Variants in WNT7A observed in about 807,000 individuals in gnomAD.
WNT7A encodes protein Wnt-7a.
WNT7A carries 16 observed loss-of-function variants against 28.2 expected under a neutral mutation model. The ratio of observed to expected loss-of-function variants is 0.57; its 90% CI spans 0.38 to 0.86. The LOEUF is 0.86. Ranked by LOEUF, WNT7A falls within the 40% of genes least tolerant of loss-of-function variation. The pLI, the probability that WNT7A is intolerant of heterozygous loss-of-function variation, is 0.00. For missense variants in WNT7A, 411 were observed against 489.7 expected, an observed-to-expected ratio of 0.84 and a Z score of 1.52; for synonymous variants, 190 against 195.9, an observed-to-expected ratio of 0.97 and a Z score of 0.25.
chr3:13,859,388 A>T (rs952224971), intron 2 of WNT7A, among the ~76,000 whole-genome samples: 2 of 152,210 alleles, frequency 1.3e-5, no homozygotes, highest in African/African-American at 4.8e-5. Context: ...CTCATCTGTT[A>T]TTAGCACCTA....
Position 13,854,814 on chromosome 3 carries a change from G to A in WNT7A, c.299-11C>T. The stretch of plus-strand genomic sequence containing the variant: ...CAGCCTCCCGGCTCCCTGCGAGGAG[G>A]AGAGAAGAGGAGACAAGTTGGGGTC... On this transcript the variant is annotated splice_polypyrimidine_tract_variant and intron_variant, in intron 2 of 3. Transcript: ENST00000285018. 6.2e-7 allele frequency: 1 copy of A among 1,611,100 alleles called. No individual in the cohort carries two copies. The highest frequency in any genetic ancestry group is 1.1e-5 in the South Asian group (1 of 91,020).
At position 13,854,611 on chromosome 3, in the gene WNT7A, T is replaced by C. The variant is rs202009471; in HGVS notation, c.491A>G (p.Lys164Arg). 4.1e-5 allele frequency: 66 copies of C among 1,614,192 alleles called. No homozygotes were observed. The African/African-American group carries it at 6.1e-4, about 15-fold the overall frequency. ...GATCTCCCGGGCATCCACAAAGACC[T>C]TGGCGAAGCCGATGCCGTAGCGGAT... is the stretch of plus-strand genomic sequence containing the variant. ...ADIRYGIGFA[K>R]VFVDAREIKQ... The change falls in exon 3 of 4, where the codon AAG (lysine) becomes AGG (arginine). Residue 164 changes from lysine to arginine, a missense_variant. Transcript: ENST00000285018.
chr3:13,878,216 G>C (rs1394389832), intron 1 of WNT7A, among the ~76,000 whole-genome samples: 1 of 152,102 alleles, frequency 6.6e-6, no homozygotes. Context: ...CGGGCGGGGC[G>C]GCCAGGGGAG....
chr3:13,825,330 T>C (rs1694176590), intron 3 of WNT7A, among the ~76,000 whole-genome samples: 1 of 152,200 alleles, frequency 6.6e-6, no homozygotes, highest in African/African-American at 2.4e-5. Context: ...TGGCCTGTGC[T>C]GTTAGAGTCC....
At chr3:13,842,808 G>C (rs1279046343) in intron 3 of WNT7A, among the ~76,000 whole-genome samples, 1 of 152,198 alleles carries the variant, frequency 6.6e-6, no homozygotes, top group Non-Finnish European at 1.5e-5. Flanking sequence ...CTGGAGCAGG[G>C]AGGCAGGATG....
chr3:13,868,510 G>GAA (rs1694946707), intron 2 of WNT7A, among the ~76,000 whole-genome samples: 1 of 118,870 alleles, frequency 8.4e-6, no homozygotes, highest in South Asian at 2.6e-4. Flanking sequence ...GAAAGAAAGA[G>GAA]AGAGAGAAAG....
rs1695176653 is a variant in WNT7A, at chr3:13,879,658, G to T, written c.71+88C>A. Reference sequence around the variant, plus strand: ...CTCAGAGAAGCTGTGGAAGTTGGCCGGCAGAGGCTCGCAGGCGGCACACCT... The same window carrying T: ...CTCAGAGAAGCTGTGGAAGTTGGCCTGCAGAGGCTCGCAGGCGGCACACCT... On this transcript the variant is annotated intron_variant, in intron 1 of 3. Transcript: ENST00000285018. 12 of 1,461,426 alleles carry T rather than the reference G, an allele frequency of 8.2e-6. 1 individual carries two copies. The South Asian group carries it at 1.5e-4, about 18-fold the overall frequency. The allele number at this position is 1,461,426 out of a possible 1,614,324, so 90.5% of individuals were successfully genotyped here. A position where few individuals can be genotyped will look rare whatever the true frequency, so the allele number is the denominator to read the frequency against.
intron 3 of WNT7A, among the ~76,000 whole-genome samples, chr3:13,835,295 G>T (rs561216423): frequency 4.6e-5 from 7 of 152,368 alleles, no homozygotes; most frequent in Middle Eastern, 6.8e-3. Flanking sequence ...GAGCAGAAAG[G>T]TCCTGCGATG....
intron 3 of WNT7A, among the ~76,000 whole-genome samples, chr3:13,840,596 T>TCATCCATCCATC (rs113782895): frequency 0.011 from 1,621 of 150,192 alleles, 22 homozygotes; most frequent in African/African-American, 0.03. Flanking sequence ...AGCTATTCAT[T>TCATCCATCCATC]CATCCATCCA....
At chr3:13,870,078 G>T (rs960572720) in intron 2 of WNT7A, among the ~76,000 whole-genome samples, 1 of 152,088 alleles carries the variant, frequency 6.6e-6, no homozygotes, top group African/African-American at 2.4e-5. Flanking sequence ...TCCATCCTGA[G>T]GTCTCACTTC....
Position 13,819,197 on chromosome 3 carries a change from G to A in WNT7A, c.797C>T (p.Thr266Met), listed in dbSNP as rs777906457. The A allele has an allele frequency of 9.9e-6, 16 of 1,614,264 alleles. No homozygotes were observed. The highest frequency in any genetic ancestry group is 1.4e-5 in the Non-Finnish European group (16 of 1,180,060). Residue 266 changes from threonine (T) to methionine (M), a missense_variant, in exon 4 of 4, where the codon ACG becomes ATG. Physicochemically the swap from Thr to Met is moderately conservative, Grantham distance 81. Transcript: ENST00000285018. ...KPLSYRKPMDTDLVYIEKSPN... is the reference protein window; with the variant it reads ...KPLSYRKPMDMDLVYIEKSPN... ...CGACTTCTCGATGTACACCAGGTCC[G>A]TGTCCATGGGCTTGCGGTACGACAG...
intron 3 of WNT7A, among the ~76,000 whole-genome samples, chr3:13,851,806 T>C (rs770649814): frequency 7.2e-5 from 11 of 152,244 alleles, no homozygotes; most frequent in Non-Finnish European, 1.5e-4. Flanking sequence ...CCACACATCA[T>C]ACGCTAGGAT....
intron 2 of WNT7A, among the ~76,000 whole-genome samples, chr3:13,856,987 G>GAGAAGAAGGAGA (rs1694755936): frequency 2.8e-5 from 2 of 71,596 alleles, no homozygotes; most frequent in African/African-American, 1.5e-4. Context: ...GAAGAAGAAG[G>GAGAAGAAGGAGA]AGAAGAAGAA....
intron 3 of WNT7A, among the ~76,000 whole-genome samples, chr3:13,840,596 T>TCATC (rs113782895): frequency 0.19 from 29,044 of 150,090 alleles, 3,102 homozygotes; most frequent in African/African-American, 0.3. Context: ...AGCTATTCAT[T>TCATC]CATCCATCCA....
chr3:13,872,921 G>A (rs1559308636), intron 2 of WNT7A, among the ~76,000 whole-genome samples: 1 of 152,136 alleles, frequency 6.6e-6, no homozygotes, highest in Non-Finnish European at 1.5e-5. Flanking sequence ...TCCCTTATGA[G>A]CCTCAGTTTC....
chr3:13,854,707 C>G lies in WNT7A; in HGVS notation c.395G>C (p.Gly132Ala). Residue 132 changes from glycine to alanine, a missense_variant, in exon 3 of 4, where the codon GGC (glycine) becomes GCC (alanine). By Grantham distance (60) the Gly-to-Ala change is moderately conservative. Transcript: ENST00000285018. ...ACTQGNLSDC[G>A]CDKEKQGQYH... ...CTGGCCTTGCTTCTCTTTGTCGCAG[C>G]CACAGTCGCTCAGGTTGCCCTGGGT... 6.2e-7 allele frequency: 1 copy of G among 1,614,176 alleles called. No individual in the cohort carries two copies. The highest frequency in any genetic ancestry group is 8.5e-7 in the Non-Finnish European group (1 of 1,180,048).
At chr3:13,868,515 A>G (rs948318837) in intron 2 of WNT7A, among the ~76,000 whole-genome samples, 1 of 144,610 alleles carries the variant, frequency 6.9e-6, no homozygotes, top group Non-Finnish European at 1.5e-5. Context: ...AAAGAGAGAG[A>G]GAAAGAAAGG....
At chr3:13,856,871 G>GAAAAAGAA (rs1694738764) in intron 2 of WNT7A, among the ~76,000 whole-genome samples, 1 of 78,504 alleles carries the variant, frequency 1.3e-5, no homozygotes, top group African/African-American at 4.8e-5. Context: ...AAGAGGAAGA[G>GAAAAAGAA]GAAGAAGAGG....
At chr3:13,868,580 G>A (rs779232186) in intron 2 of WNT7A, among the ~76,000 whole-genome samples, 227 of 19,360 alleles carry the variant, frequency 0.012, 30 homozygotes, top group African/African-American at 0.052. Context: ...GAGAGAGAGA[G>A]AGAGAGAGAG....
Sources: allele counts gnomAD v4.1 joint callset (sites outside exome capture counted in the v4.1 genomes callset), GRCh38; gene constraint gnomAD v4.1.1; transcripts MANE v1.5; gene names NCBI Gene and HGNC (gene_info 2026-07-23, HGNC 2026-07-21).